LILRB3: variants seen among roughly 807,000 people sequenced by gnomAD.
LILRB3 encodes leukocyte immunoglobulin-like receptor subfamily B member 3.
Under a neutral mutation model 68.2 loss-of-function variants are expected in LILRB3, and 32 were observed. The ratio of observed to expected loss-of-function variants is 0.47; its 90% confidence interval spans 0.35 to 0.63. The LOEUF (loss-of-function observed/expected upper bound fraction) is 0.63. Among genes scored for constraint, LILRB3 ranks in the 30% least tolerant of loss-of-function variants. LILRB3 has a pLI of 0.00. For missense variants in LILRB3, 502 were observed against 791.3 expected (o/e 0.63, Z 4.39); for synonymous variants, 185 against 323.1 (o/e 0.57, Z 4.58).
exon 8 of LILRB3, chr19:54,219,145 G>C: frequency 1.2e-6 from 2 of 1,603,634 alleles, no homozygotes; most frequent in Non-Finnish European, 1.7e-6. Flanking sequence ...TCCTGTGTTT[G>C]CTGTGACGCT....
intron 7 of LILRB3, 30 bp from the exon 8 acceptor site, chr19:54,219,275 G>T: frequency 6.6e-7 from 1 of 1,520,690 alleles, no homozygotes; most frequent in African/African-American, 1.4e-5. Context: ...GAGTGGGAAT[G>T]ATGTCATTGA....
chr19:54,217,851 T>TGCCCCACA (rs879274525), intron 11 of LILRB3, among the ~76,000 whole-genome samples: 14 of 152,116 alleles, frequency 9.2e-5, no homozygotes, highest in Non-Finnish European at 1.5e-4. Flanking sequence ...CTGGCCCCAC[T>TGCCCCACA]GCCCCACACT....
In LILRB3 at chr19:54,220,766, G is replaced by A. The variant is rs760034371; in HGVS notation, c.1020C>T (p.Asn340=). 2.5e-5 allele frequency: 38 copies of A among 1,521,530 alleles called. 5 individuals carry two copies. Among genetic ancestry groups the A allele is most frequent in the South Asian group, 2.3e-4 (20 of 86,708 alleles). 94.3% of individuals were successfully genotyped at this position (1,521,530 alleles called of 1,614,324 possible). A position where few individuals can be genotyped will look rare whatever the true frequency, so the allele number is the denominator to read the frequency against. ...CCCGTGACTGACACAGCAGGGTCAT[G>A]TTCTCTCCTGAGGCCACTGTGGGGC... Residue 340 remains asparagine (N), a synonymous_variant, in exon 6 of 13, where the codon AAC becomes AAT. Transcript: ENST00000445347.
chr19:54,222,058 C>T lies in LILRB3; in HGVS notation c.428G>A (p.Arg143Gln), dbSNP rs61480095. The change falls in exon 4 of 13, where the codon CGA becomes CAA. Residue 143 changes from arginine to glutamine, a missense_variant. Transcript: ENST00000445347. ...GTGATATCCCTTCTGTGAGCCACAT[C>T]GGAGGGTCATATTCCCCCCTGAGGC... 106 of 1,610,834 alleles carry T rather than the reference C, an allele frequency of 6.6e-5. 1 individual carries two copies. Among genetic ancestry groups the T allele is most frequent in the East Asian group, 5.6e-4 (25 of 44,714 alleles).
At chr19:54,218,719 G>A in intron 9 of LILRB3, 37 bp from the exon 10 acceptor site, 2 of 1,614,144 alleles carry the variant, frequency 1.2e-6, no homozygotes, top group Non-Finnish European at 1.7e-6. Flanking sequence ...GGCAGTGTAT[G>A]GGCTGTGGTG....
exon 13 of LILRB3, chr19:54,216,633 A>G: frequency 2.0e-6 from 2 of 1,011,128 alleles, no homozygotes; most frequent in Non-Finnish European, 2.4e-6. Flanking sequence ...TAATTTTCCC[A>G]TGTCATAAGT....
In LILRB3 at chr19:54,220,518, G is replaced by A. The variant is rs752182138; in HGVS notation, c.1258+10C>T. 7.4e-7 allele frequency: 1 copy of A among 1,343,330 alleles called. No individual in the cohort carries two copies. The highest frequency in any genetic ancestry group is 1.6e-5 in the African/African-American group (1 of 61,352). 83.2% of individuals were successfully genotyped at this position (1,343,330 alleles called of 1,614,324 possible). A position where few individuals can be genotyped will look rare whatever the true frequency, so the allele number is the denominator to read the frequency against. On this transcript the variant is annotated intron_variant, in intron 6 of 12. Transcript: ENST00000445347. The stretch of plus-strand genomic sequence containing the variant: ...TTTGAGCTCAGAGAGGACGGGGTCA[G>A]CGCCCTCACCTGAGACCATGAGTTC...
chr19:54,217,693 T>C (rs1288134590), intron 11 of LILRB3: 29 of 869,610 alleles, frequency 3.3e-5, no homozygotes, highest in Non-Finnish European at 3.5e-6. Flanking sequence ...CTCACAGGCC[T>C]TCCTGCAAGA....
At chr19:54,220,118 G>C in intron 7 of LILRB3, 37 bp downstream of exon 7, 1 of 1,508,448 alleles carries the variant, frequency 6.6e-7, no homozygotes, top group South Asian at 1.2e-5. Context: ...ACTGCCCTGG[G>C]GGAGGCGGCG....
chr19:54,219,915 A>G (rs1192820218), intron 7 of LILRB3: 24 of 1,541,344 alleles, frequency 1.6e-5, no homozygotes, highest in African/African-American at 2.7e-5. Context: ...GGTCCTCAGG[A>G]CCTCCTGGGT....
chr19:54,218,408 C>A, exon 11 of LILRB3: 1 of 1,614,188 alleles, frequency 6.2e-7, no homozygotes, highest in South Asian at 1.1e-5. Context: ...TCCTTCACAG[C>A]AGCATCTGCT....
At position 54,219,255 on chromosome 19, in the gene LILRB3, A is replaced by G. The variant is rs760085612; in HGVS notation, c.1310-10T>C. ...AGGTATCTTCCCAGACCTTGACATG[A>G]GGACGTCAGGAGTGGGAATGATGTC... On this transcript the variant is annotated splice_polypyrimidine_tract_variant and intron_variant, in intron 7 of 12. Transcript: ENST00000445347. The G allele has an allele frequency of 6.5e-7, 1 of 1,544,304 alleles. No homozygotes were observed. The highest frequency in any genetic ancestry group is 1.4e-5 in the African/African-American group (1 of 72,450).
chr19:54,219,499 G>C (rs1371976141), intron 7 of LILRB3: 1 of 1,550,308 alleles, frequency 6.5e-7, no homozygotes, highest in Non-Finnish European at 8.7e-7. Flanking sequence ...TGCAGCCCTT[G>C]TTCCTGCACC....
intron 8 of LILRB3, 127 bp downstream of exon 8, chr19:54,219,002 C>T: frequency 5.3e-6 from 8 of 1,519,082 alleles, no homozygotes; most frequent in East Asian, 2.3e-5. Flanking sequence ...TTTGTAAATG[C>T]GTATTGAAAT....
chr19:54,220,967 T>G lies in LILRB3; in HGVS notation c.955+116A>C, dbSNP rs1400704580. On this transcript the variant is annotated intron_variant, in intron 5 of 12. Transcript: ENST00000445347. ...CCCCTCCCCCCATCCCCTGTCTCTG[T>G]CTGTCTCTCCCTCCCTTGGGACCCC... The G allele has an allele frequency of 2.8e-5, 30 of 1,088,068 alleles. No individual in the cohort carries two copies. The Middle Eastern group carries it at 9.0e-4, about 33-fold the overall frequency. 67.4% of individuals were successfully genotyped at this position (1,088,068 alleles called of 1,614,324 possible).
At chr19:54,216,832 G>A in exon 13 of LILRB3, 1 of 1,369,938 alleles carries the variant, frequency 7.3e-7, no homozygotes, top group Non-Finnish European at 9.5e-7. Flanking sequence ...ACCACACCCG[G>A]CCTTTACGTC....
At position 54,220,216 on chromosome 19, in the gene LILRB3, C is replaced by A; in HGVS notation, c.1259-11G>T. Reference sequence around the variant, plus strand: ...AGCCTCCAGAGTGTCCTGGAAGGAGCACGGGAGGCGGGTGAGGGGCGGGGG... The same window carrying A: ...AGCCTCCAGAGTGTCCTGGAAGGAGAACGGGAGGCGGGTGAGGGGCGGGGG... On this transcript the variant is annotated splice_polypyrimidine_tract_variant and intron_variant, in intron 6 of 12. Transcript: ENST00000445347. 1.4e-6 allele frequency: 2 copies of A among 1,416,060 alleles called. No homozygotes were observed. The highest frequency in any genetic ancestry group is 5.1e-5 in the East Asian group (2 of 39,488). 87.7% of individuals were successfully genotyped at this position (1,416,060 alleles called of 1,614,324 possible).
chr19:54,217,741 C>T (rs1190715787), intron 11 of LILRB3: 1 of 646,084 alleles, frequency 1.5e-6, no homozygotes, highest in Admixed American at 3.0e-5. Context: ...CGGCTGTTTC[C>T]TCTGCCTGCA....
chr19:54,219,960 C>A lies in LILRB3; in HGVS notation c.1309+195G>T, dbSNP rs4023903. 5.4e-6 allele frequency: 7 copies of A among 1,292,630 alleles called. No individual in the cohort carries two copies. The African/African-American group carries it at 1.0e-4, about 19-fold the overall frequency. The allele number at this position is 1,292,630 out of a possible 1,614,324, so 80.1% of individuals were successfully genotyped here. A position where few individuals can be genotyped will look rare whatever the true frequency, so the allele number is the denominator to read the frequency against. Reference sequence around the variant, plus strand: ...GAGGTGAAGGCTGGGGCTGTCTTGCCCCCCACATCAGCCCGGCTCCTCCTC... The same window carrying A: ...GAGGTGAAGGCTGGGGCTGTCTTGCACCCCACATCAGCCCGGCTCCTCCTC... On this transcript the variant is annotated intron_variant, in intron 7 of 12. Coordinates refer to ENST00000445347, the Ensembl canonical transcript of LILRB3.
Sources: allele counts gnomAD v4.1 joint callset (sites outside exome capture counted in the v4.1 genomes callset), GRCh38; gene constraint gnomAD v4.1.1; transcripts MANE v1.5; gene names NCBI Gene and HGNC (gene_info 2026-07-23, HGNC 2026-07-21).